KNL1: variants seen among roughly 807,000 people sequenced by gnomAD.
KNL1 encodes the protein kinetochore scaffold 1.
Under a neutral mutation model 201.3 loss-of-function variants are expected in KNL1, and 66 were observed. The observed-to-expected ratio is 0.33, with a 90% CI of 0.27 to 0.40. The LOEUF is 0.40. Among genes scored for constraint, KNL1 ranks in the 10% least tolerant of loss-of-function variants. KNL1 has a pLI of 1.00. For synonymous variants in KNL1, 895 were observed against 899.2 expected (o/e 1.00, Z 0.08); for missense variants, 2,815 against 2,690.5 (o/e 1.05, Z -1.02).
At chr15:40,600,843 C>T (rs779477539) in intron 1 of KNL1, among the ~76,000 whole-genome samples, 63 of 152,156 alleles carry the variant, frequency 4.1e-4, no homozygotes, top group African/African-American at 7.2e-4. Context: ...GGAAACTTCA[C>T]GTTATGCCTC....
chr15:40,627,625 T>G (rs561517610), intron 10 of KNL1, among the ~76,000 whole-genome samples: 2 of 152,294 alleles, frequency 1.3e-5, no homozygotes, highest in East Asian at 3.9e-4. Context: ...CATAACTTAT[T>G]CAGCTAAAGA....
intron 25 of KNL1, 40 bp downstream of exon 25, chr15:40,659,501 C>CT (rs563293238): frequency 7.0e-4 from 1,067 of 1,533,232 alleles, no homozygotes; most frequent in East Asian, 1.3e-3. Flanking sequence ...TGGGCTACTT[C>CT]TTTTTTTTTG....
chr15:40,603,523 C>G (rs1186950743), intron 2 of KNL1, among the ~76,000 whole-genome samples: 1 of 152,166 alleles, frequency 6.6e-6, no homozygotes, highest in Admixed American at 6.5e-5. Flanking sequence ...CCTGTAGTCC[C>G]GGCACTTTGA....
In KNL1 at chr15:40,628,207, C is replaced by A; in HGVS notation, c.5514C>A (p.Ser1838Arg). The change falls in exon 11 of 26, where the codon AGC becomes AGA. Residue 1838 changes from serine to arginine, a missense_variant and splice_region_variant. Physicochemically the swap from Ser to Arg is moderately radical, Grantham distance 110. Around this residue, in one of 3 missense-constraint regions of KNL1, gnomAD observed 2,464 missense variants for 2,291.7 expected, o/e 1.08. Coordinates refer to ENST00000399668, the MANE Select transcript of KNL1 (RefSeq NM_144508.5). Reference protein sequence around the residue: ...IKADGTSLDFSTYRSSQMESQ... With the variant: ...IKADGTSLDFRTYRSSQMESQ... ...CTGATGGGACCTCTCTGGACTTCAG[C>A]AGTAAGAGCTTCATGAAGGCTAAAT... 1.3e-6 allele frequency: 2 copies of A among 1,587,922 alleles called. No individual in the cohort carries two copies. Among genetic ancestry groups the A allele is most frequent in the Non-Finnish European group, 1.7e-6 (2 of 1,172,268 alleles).
chr15:40,663,736 C>T lies in KNL1; in HGVS notation c.*1548C>T, dbSNP rs1446896395. 1 of 192,718 alleles carries T rather than the reference C, an allele frequency of 5.2e-6. No homozygotes were observed. The allele number at this position is 192,718 out of a possible 1,614,324, so 11.9% of individuals were successfully genotyped here. A position where few individuals can be genotyped will look rare whatever the true frequency, so the allele number is the denominator to read the frequency against. The stretch of plus-strand genomic sequence containing the variant: ...AAGTAGACAAAAAAATTTACTCAAA[C>T]TTCATTCAAATCCTAATTGTGATAA... On this transcript the variant is annotated 3_prime_UTR_variant, in exon 26 of 26. Coordinates refer to ENST00000399668, the MANE Select transcript of KNL1 (RefSeq NM_144508.5).
intron 1 of KNL1, among the ~76,000 whole-genome samples, chr15:40,594,926 T>C (rs537787616): frequency 6.6e-6 from 1 of 152,340 alleles, no homozygotes; most frequent in East Asian, 1.9e-4. Flanking sequence ...CCTTAACAAA[T>C]GAAGTCAATA....
At chr15:40,651,867 T>C (rs1595946326) in intron 20 of KNL1, 138 bp from the exon 21 acceptor site, 3 of 585,198 alleles carry the variant, frequency 5.1e-6, no homozygotes, top group Non-Finnish European at 9.0e-6. Flanking sequence ...ATCCACAATA[T>C]ATGAATTGAA....
chr15:40,656,900 A>G, intron 22 of KNL1, 142 bp from the exon 23 acceptor site: 2 of 443,884 alleles, frequency 4.5e-6, no homozygotes, highest in Non-Finnish European at 8.0e-6. Flanking sequence ...AAAAAAAAAG[A>G]AAAAGAAAAA....
chr15:40,620,290 C>T (rs565517332), intron 9 of KNL1, among the ~76,000 whole-genome samples: 3 of 151,920 alleles, frequency 2.0e-5, no homozygotes, highest in Non-Finnish European at 1.5e-5. Context: ...GCTGCAAGCT[C>T]CGCCTCCCAG....
intron 21 of KNL1, among the ~76,000 whole-genome samples, chr15:40,654,666 G>A (rs557296554): frequency 2.0e-5 from 3 of 151,498 alleles, no homozygotes; most frequent in East Asian, 3.9e-4. Context: ...TCAGGAGATC[G>A]AGACCATCCT....
intron 24 of KNL1, among the ~76,000 whole-genome samples, chr15:40,658,576 A>AG (rs1471637944): frequency 3.0e-4 from 44 of 147,696 alleles, no homozygotes; most frequent in African/African-American, 1.0e-3. Context: ...AAAAAAAAAA[A>AG]AAAGAAAGAA....
chr15:40,660,869 G>A (rs972799217), intron 25 of KNL1, among the ~76,000 whole-genome samples: 15 of 151,956 alleles, frequency 9.9e-5, no homozygotes, highest in Admixed American at 3.3e-4. Context: ...AGGCTGAGGT[G>A]GGAGGATTGC....
Position 40,657,093 on chromosome 15 carries a change from A to G in KNL1, c.6536A>G (p.Tyr2179Cys). 1 of 1,610,050 alleles carries G rather than the reference A, an allele frequency of 6.2e-7. No individual in the cohort carries two copies. Among genetic ancestry groups the G allele is most frequent in the Non-Finnish European group, 8.5e-7 (1 of 1,177,962 alleles). The change falls in exon 23 of 26, where the codon TAC becomes TGC. Residue 2179 changes from tyrosine (Y) to cysteine (C), a missense_variant. Tyr to Cys is a radical substitution (Grantham distance 194, BLOSUM62 -2). This residue lies in a region of KNL1 where 334 missense variants were observed against 362.6 expected (regional missense o/e 0.92). Transcript: ENST00000399668. Reference protein sequence around the residue: ...SLLVHKLIFQYVEEKESWKKT... With the variant: ...SLLVHKLIFQCVEEKESWKKT... ...TTAGTTCATAAGCTTATTTTCCAGTACGTTGAAGAAAAGGAATCCTGGAAG... is the reference window on the plus strand; with the variant it reads ...TTAGTTCATAAGCTTATTTTCCAGTGCGTTGAAGAAAAGGAATCCTGGAAG...
In KNL1 at chr15:40,625,607, G is replaced by A. The variant is rs1198326360; in HGVS notation, c.5343G>A (p.Glu1781=). Residue 1781 remains glutamate (E), a synonymous_variant, in exon 10 of 26, where the codon GAG becomes GAA. Coordinates refer to ENST00000399668, the MANE Select transcript of KNL1 (RefSeq NM_144508.5). ...AGGAGAAAAAAATCAGAAAAAATGA[G>A]ATTAAGTTTAGTGATACGACACAAG... ...IHKEKKIRKN[E]IKFSDTTQDR... The A allele has an allele frequency of 1.2e-6, 2 of 1,610,400 alleles. No homozygotes were observed. Among genetic ancestry groups the A allele is most frequent in the South Asian group, 2.2e-5 (2 of 90,108 alleles).
chr15:40,636,284 T>C (rs1370144498), intron 13 of KNL1, among the ~76,000 whole-genome samples: 1 of 152,220 alleles, frequency 6.6e-6, no homozygotes, highest in African/African-American at 2.4e-5. Context: ...CAGCAATTAA[T>C]CTACCCACTG....
rs1555423579 is a variant in KNL1, at chr15:40,658,939, A to AAAAAG, written c.6714-397_6714-396insAGAAA. 9.6e-4 allele frequency among the ~76,000 whole-genome samples: 142 copies of AAAAAG among 148,170 alleles called. No individual in the cohort carries two copies. The East Asian group carries it at 0.013, about 14-fold the overall frequency. ...AGCGAGACTCCATCTCAAAAAAAAA[A>AAAAAG]AAAGAAAAAGAAAAGAAATAATGTA... On this transcript the variant is annotated intron_variant, in intron 24 of 25. Coordinates refer to ENST00000399668, the MANE Select transcript of KNL1 (RefSeq NM_144508.5).
intron 20 of KNL1, 106 bp from the exon 21 acceptor site, chr15:40,651,899 G>A: frequency 1.5e-6 from 1 of 661,258 alleles, no homozygotes; most frequent in Non-Finnish European, 2.6e-6. Flanking sequence ...CAGTCCAGTG[G>A]AAAAACATTA....
intron 17 of KNL1, among the ~76,000 whole-genome samples, chr15:40,649,945 A>T (rs1361565398): frequency 6.6e-6 from 1 of 152,138 alleles, no homozygotes; most frequent in Non-Finnish European, 1.5e-5. Context: ...TTAAATTATA[A>T]GCTCTGTGGA....
intron 22 of KNL1, among the ~76,000 whole-genome samples, chr15:40,656,824 TG>T (rs1238004483): frequency 6.6e-6 from 1 of 151,656 alleles, no homozygotes; most frequent in Non-Finnish European, 1.5e-5. Context: ...AGGCAGAGGT[TG>T]CAGTGAGCCA....
Sources: allele counts gnomAD v4.1 joint callset (sites outside exome capture counted in the v4.1 genomes callset), GRCh38; gene constraint gnomAD v4.1.1; regional missense constraint gnomAD v4.1.1; transcripts MANE v1.5; gene names NCBI Gene and HGNC (gene_info 2026-07-23, HGNC 2026-07-21).